Variants in LAMA5 observed in about 807,000 individuals in gnomAD.
LAMA5 encodes laminin subunit alpha-5.
Under a neutral mutation model 433.4 loss-of-function variants are expected in LAMA5, and 260 were observed. The ratio of observed to expected loss-of-function variants is 0.60; its 90% CI spans 0.54 to 0.66. The LOEUF (loss-of-function observed/expected upper bound fraction) is 0.66, where lower values mean the gene tolerates loss of function less well. LAMA5 is among the 30% of genes least tolerant of loss of function. The pLI, the probability that LAMA5 is intolerant of heterozygous loss-of-function variation, is 0.00. For synonymous variants in LAMA5, 2,620 were observed against 2,226.6 expected (o/e 1.18, Z -4.97); for missense variants, 5,378 against 5,258.5 (o/e 1.02, Z -0.70).
chr20:62,350,701 C>CT (rs907364783), intron 6 of LAMA5, among the ~76,000 whole-genome samples: 23 of 152,324 alleles, frequency 1.5e-4, no homozygotes, highest in African/African-American at 5.5e-4. Flanking sequence ...CTGCACCACT[C>CT]TGAGTGGCTT....
Position 62,346,803 on chromosome 20 carries a change from A to G in LAMA5, c.1073-3T>C, listed in dbSNP as rs1244371329. ...GGCATGGCCGTAGCAGTTACAGGCT[A>G]GAGAGAGGGGAGCGCAGCTGTTGGC... On this transcript the variant is annotated splice_polypyrimidine_tract_variant and splice_region_variant and intron_variant, in intron 7 of 79. Transcript: ENST00000252999. 6.2e-7 allele frequency: 1 copy of G among 1,611,200 alleles called. No homozygotes were observed. Among genetic ancestry groups the G allele is most frequent in the Admixed American group, 1.7e-5 (1 of 59,766 alleles).
intron 16 of LAMA5, 97 bp downstream of exon 16, chr20:62,337,493 C>A: frequency 1.4e-6 from 2 of 1,474,934 alleles, no homozygotes; most frequent in Admixed American, 2.0e-5. Flanking sequence ...CAGCAAGATG[C>A]ACGTGAACAG....
chr20:62,362,874 G>T lies in LAMA5; in HGVS notation c.298-322C>A, dbSNP rs1202467405. On this transcript the variant is annotated intron_variant, in intron 1 of 79. Transcript: ENST00000252999. ...GCGTCTGAGCACTACGTGGTAAGGG[G>T]GGGGGTGTGCTCTAGGCAGAGGGGG... Among the ~76,000 whole-genome samples, 8 of 152,060 alleles carry T rather than the reference G, an allele frequency of 5.3e-5. No individual in the cohort carries two copies. In the South Asian group the frequency reaches 6.3e-4, roughly 12 times the overall value.
Position 62,346,992 on chromosome 20 carries a change from G to A in LAMA5, c.993C>T (p.Gly331=), listed in dbSNP as rs150566012. 12 of 1,612,240 alleles carry A rather than the reference G, an allele frequency of 7.4e-6. No homozygotes were observed. In the Middle Eastern group the frequency reaches 5.3e-4, roughly 71 times the overall value. Residue 331 remains glycine, a synonymous_variant, in exon 7 of 80, where the codon GGC becomes GGT. Transcript: ENST00000252999. ...QCTCQHNTCG[G]TCDRCCPGFN... ...AGCCGGGGCAGCAGCGGTCGCAGGTGCCCCCGCAGGTGTTGTGCTGGCAGG... is the reference window on the plus strand; with the variant it reads ...AGCCGGGGCAGCAGCGGTCGCAGGTACCCCCGCAGGTGTTGTGCTGGCAGG...
At chr20:62,353,286 C>T (rs1312374925) in intron 2 of LAMA5, 35 bp from the exon 3 acceptor site, 13 of 1,459,212 alleles carry the variant, frequency 8.9e-6, no homozygotes, top group East Asian at 7.1e-5. Context: ...GAGCCAGGGG[C>T]GCCTGGATTC....
Position 62,346,535 on chromosome 20 carries a change from T to C in LAMA5, c.1253A>G (p.His418Arg), listed in dbSNP as rs373691228. The change falls in exon 9 of 80, where the codon CAC becomes CGC. Residue 418 changes from histidine (H) to arginine (R), a missense_variant. Transcript: ENST00000252999. ...GCAGACGTGGGGCGAGTCGAGAGGG[T>C]GGTTGGGAGAGCGGTAGAAGCCGGG... is the stretch of plus-strand genomic sequence containing the variant. ...CLPGFYRSPN[H>R]PLDSPHVCRR... The C allele has an allele frequency of 1.4e-5, 21 of 1,553,192 alleles. No homozygotes were observed. Among genetic ancestry groups the C allele is most frequent in the Non-Finnish European group, 1.7e-5 (20 of 1,148,562 alleles).
Position 62,346,664 on chromosome 20 carries a change from C to A in LAMA5, c.1191+18G>T, listed in dbSNP as rs369788237. ...CACCTCAGGGCCAGCCCATTCCCAGCCCTCTAGCCCAGCCCACCTGGCAGT... is the reference window on the plus strand; with the variant it reads ...CACCTCAGGGCCAGCCCATTCCCAGACCTCTAGCCCAGCCCACCTGGCAGT... On this transcript the variant is annotated intron_variant, in intron 8 of 79. Coordinates refer to ENST00000252999, the MANE Select transcript of LAMA5 (RefSeq NM_005560.6). 6.2e-7 allele frequency: 1 copy of A among 1,611,044 alleles called. No homozygotes were observed. The highest frequency in any genetic ancestry group is 8.5e-7 in the Non-Finnish European group (1 of 1,178,012).
intron 14 of LAMA5, 36 bp downstream of exon 14, chr20:62,337,980 T>C: frequency 6.3e-7 from 1 of 1,595,962 alleles, no homozygotes. Flanking sequence ...GCCATGTGGG[T>C]GGCAGAACCC....
Position 62,310,066 on chromosome 20 carries a change from C to T in LAMA5, c.10750G>A (p.Asp3584Asn), listed in dbSNP as rs1986049814. The change falls in exon 78 of 80, where the codon GAT becomes AAT. Residue 3584 changes from aspartate (D) to asparagine (N), a missense_variant. Physicochemically the swap from Asp to Asn is conservative, Grantham distance 23 (BLOSUM62 1). Coordinates refer to ENST00000252999, the MANE Select transcript of LAMA5 (RefSeq NM_005560.6). ...VTEKQVLLRADDGAGEFSTSV... is the reference protein window; with the variant it reads ...VTEKQVLLRANDGAGEFSTSV... ...GTGGAGAACTCCCCTGCTCCGTCAT[C>T]CGCCCGCAGCAGGACCTGGCGGGGT... The T allele has an allele frequency of 6.2e-7, 1 of 1,610,898 alleles. No homozygotes were observed. Among genetic ancestry groups the T allele is most frequent in the African/African-American group, 1.3e-5 (1 of 74,904 alleles).
In LAMA5 at chr20:62,333,842, G is replaced by C. The variant is rs1431365735; in HGVS notation, c.2878+59C>G. ...GAAGGTGGCGGGGCTTGGGAGTGGG[G>C]TGGGGTGGGGTGGGCTGGGCTGGTG... On this transcript the variant is annotated intron_variant, in intron 23 of 79. Coordinates refer to ENST00000252999, the MANE Select transcript of LAMA5 (RefSeq NM_005560.6). 3 of 1,462,786 alleles carry C rather than the reference G, an allele frequency of 2.1e-6. No individual in the cohort carries two copies. In the African/African-American group the frequency reaches 4.2e-5, roughly 20 times the overall value. The allele number at this position is 1,462,786 out of a possible 1,614,324, so 90.6% of individuals were successfully genotyped here.
Position 62,328,945 on chromosome 20 carries a change from G to T in LAMA5, c.4346C>A (p.Thr1449Lys), listed in dbSNP as rs779522800. The T allele has an allele frequency of 1.9e-6, 3 of 1,612,040 alleles. No individual in the cohort carries two copies. Among genetic ancestry groups the T allele is most frequent in the African/African-American group, 2.7e-5 (2 of 74,934 alleles). The change falls in exon 34 of 80, where the codon ACG becomes AAG. Residue 1449 changes from threonine (T) to lysine (K), a missense_variant. By Grantham distance (78) the Thr-to-Lys change is moderately conservative (BLOSUM62 -1). Transcript: ENST00000252999. ...ACACTGGCCCCCGAAGGGCTCACAC[G>T]TGGGGCCTGTAGCACCTACTTCGTG... is the stretch of plus-strand genomic sequence containing the variant. ...GCHEVGATGP[T>K]CEPFGGQCPC...
intron 4 of LAMA5, 57 bp downstream of exon 4, chr20:62,352,185 C>T: frequency 6.4e-7 from 1 of 1,562,548 alleles, no homozygotes. Flanking sequence ...ACTGCCCCTC[C>T]CCTACCCACC....
chr20:62,334,019 C>T lies in LAMA5; in HGVS notation c.2760G>A (p.Leu920=). ...APVQPRIVAR[L]NLTSPDLFWL... ...AGAAAAGGTCAGGGGAGGTCAGGTTCAGCCTGGCCACGATCCTGGGCTGGG... is the reference window on the plus strand; with the variant it reads ...AGAAAAGGTCAGGGGAGGTCAGGTTTAGCCTGGCCACGATCCTGGGCTGGG... Residue 920 remains leucine, a synonymous_variant, in exon 23 of 80, where the codon CTG becomes CTA. Coordinates refer to ENST00000252999, the MANE Select transcript of LAMA5 (RefSeq NM_005560.6). The T allele has an allele frequency of 6.2e-7, 1 of 1,612,820 alleles. No individual in the cohort carries two copies. Among genetic ancestry groups the T allele is most frequent in the Non-Finnish European group, 8.5e-7 (1 of 1,179,756 alleles).
rs150998056 is a variant in LAMA5 at position 62,318,555 on chromosome 20, C to T, written c.7138G>A (p.Gly2380Ser). The change falls in exon 53 of 80, where the codon GGC becomes AGC. Residue 2380 changes from glycine to serine, a missense_variant. Transcript: ENST00000252999. ...TRDRLAQHEA[G>S]LMDLREALNR... Reference sequence around the variant, plus strand: ...AAAGCCTCTCGCAGGTCCATGAGGCCGGCCTCGTGCTGGGCCAGCCGGTCG... The same window carrying T: ...AAAGCCTCTCGCAGGTCCATGAGGCTGGCCTCGTGCTGGGCCAGCCGGTCG... The T allele has an allele frequency of 1.8e-3, 2,939 of 1,610,144 alleles. 50 individuals carry two copies. The highest frequency in any genetic ancestry group is 0.018 in the South Asian group (1,654 of 91,076).
chr20:62,365,331 A>G (rs1986598806), intron 1 of LAMA5, among the ~76,000 whole-genome samples: 1 of 152,244 alleles, frequency 6.6e-6, no homozygotes. Context: ...CGCTGTGCCC[A>G]TTTTAAAGAC....
chr20:62,333,691 T>C lies in LAMA5; in HGVS notation c.2894A>G (p.Gln965Arg). Residue 965 changes from glutamine to arginine, a missense_variant, in exon 24 of 80, where the codon CAG becomes CGG. By Grantham distance (43) the Gln-to-Arg change is conservative (BLOSUM62 1). Transcript: ENST00000252999. ...CGTGCTGGGTGGGAAGGCCACGGGC[T>C]GACTCTGTGCTGTGCCTGGGCGGGG... ...ATCANCTAQS[Q>R]PVAFPPSTEP... 1 of 1,594,134 alleles carries C rather than the reference T, an allele frequency of 6.3e-7. No homozygotes were observed.
In LAMA5 at chr20:62,359,484, CT is replaced by C; in HGVS notation, c.450+2915del. Reference sequence around the variant, plus strand: ...GCTCACCCTTCCCTGGGCCTGGGGCCTGGGGCCTGGGGCCTGGGTGTGGTTC... The same window carrying C: ...GCTCACCCTTCCCTGGGCCTGGGGCCGGGGCCTGGGGCCTGGGTGTGGTTC... On this transcript the variant is annotated intron_variant, in intron 2 of 79. Coordinates refer to ENST00000252999, the MANE Select transcript of LAMA5 (RefSeq NM_005560.6). The surrounding 1 kb of genome is among the most constrained non-coding windows in gnomAD (Gnocchi z 4.3). 6.6e-6 allele frequency among the ~76,000 whole-genome samples: 1 copy of C among 151,928 alleles called. No homozygotes were observed. Among genetic ancestry groups the C allele is most frequent in the South Asian group, 2.1e-4 (1 of 4,786 alleles).
In LAMA5 at chr20:62,310,404, C is replaced by T; in HGVS notation, c.10600+15G>A. On this transcript the variant is annotated intron_variant, in intron 76 of 79. Coordinates refer to ENST00000252999, the MANE Select transcript of LAMA5 (RefSeq NM_005560.6). ...CCCTGCCCTGCTGAGGCCTGGGATG[C>T]CAGCACCCACAGACCTAAAGTGATA... is the stretch of plus-strand genomic sequence containing the variant. 1 of 1,589,114 alleles carries T rather than the reference C, an allele frequency of 6.3e-7. No homozygotes were observed. Among genetic ancestry groups the T allele is most frequent in the Non-Finnish European group, 8.5e-7 (1 of 1,170,636 alleles).
At chr20:62,316,250 G>C (rs1986918364) in intron 57 of LAMA5, 192 bp from the exon 58 acceptor site, 2 of 597,188 alleles carry the variant, frequency 3.3e-6, no homozygotes, top group African/African-American at 3.7e-5. Context: ...TTCCCTGAAG[G>C]CCTCTGGTCC....
Sources: allele counts gnomAD v4.1 joint callset (sites outside exome capture counted in the v4.1 genomes callset), GRCh38; gene constraint gnomAD v4.1.1; non-coding constraint Gnocchi (gnomAD v3.1); transcripts MANE v1.5; gene names NCBI Gene and HGNC (gene_info 2026-07-23, HGNC 2026-07-21).